MUC17: variants seen among roughly 807,000 people sequenced by gnomAD.
MUC17 encodes the protein mucin 17, cell surface associated, also known as mucin-17.
Under a neutral mutation model 170.3 loss-of-function variants are expected in MUC17, and 190 were observed. The observed-to-expected ratio is 1.12, with a 90% CI of 0.99 to 1.26. The LOEUF is 1.26. Ranked by LOEUF, MUC17 falls within the 50% of genes most tolerant of loss-of-function variation. The pLI, the probability that MUC17 is intolerant of heterozygous loss-of-function variation, is 0.00. For synonymous variants in MUC17, 2,325 were observed against 2,002.5 expected (o/e 1.16, Z -4.30); for missense variants, 6,415 against 5,530.0 (o/e 1.16, Z -5.08).
At chr7:101,025,582 A>G (rs1029899003) in intron 1 of MUC17, among the ~76,000 whole-genome samples, 11 of 152,118 alleles carry the variant, frequency 7.2e-5, no homozygotes, top group African/African-American at 2.7e-4. Flanking sequence ...GCATGAGGTC[A>G]GGAGTTCGAG....
chr7:101,048,207 A>G, intron 4 of MUC17, 92 bp downstream of exon 4: 1 of 1,271,612 alleles, frequency 7.9e-7, no homozygotes, highest in Non-Finnish European at 1.1e-6. Flanking sequence ...ATGTGAGGCC[A>G]GGAATAGGGC....
At position 101,037,524 on chromosome 7, in the gene MUC17, C is replaced by T. The variant is rs1584865944; in HGVS notation, c.6108C>T (p.Thr2036=). The T allele has an allele frequency of 6.2e-7, 1 of 1,613,854 alleles. No homozygotes were observed. Among genetic ancestry groups the T allele is most frequent in the Non-Finnish European group, 8.5e-7 (1 of 1,179,886 alleles). The change falls in exon 3 of 13, where the codon ACC becomes ACT. Residue 2036 remains threonine (T), a synonymous_variant. Coordinates refer to ENST00000306151, the MANE Select transcript of MUC17 (RefSeq NM_001040105.2). ...CTGCAGGAGGTACCAGCATACAAAC[C>T]TCAACTCCTAGTGAACGGACCACTC... is the stretch of plus-strand genomic sequence containing the variant. ...PTTAGGTSIQ[T]STPSERTTPL...
At position 101,043,342 on chromosome 7, in the gene MUC17, A is replaced by T. The variant is rs774456297; in HGVS notation, c.11926A>T (p.Thr3976Ser). The T allele has an allele frequency of 6.2e-7, 1 of 1,613,982 alleles. No individual in the cohort carries two copies. The change falls in exon 3 of 13, where the codon ACC (threonine) becomes TCC (serine). Residue 3976 changes from threonine to serine, a missense_variant. By Grantham distance (58) the Thr-to-Ser change is moderately conservative. Transcript: ENST00000306151. Reference sequence around the variant, plus strand: ...TTCCACTGAACTAAACACACCATCAACCTCCAGTAGTAGTACCACCACATC... The same window carrying T: ...TTCCACTGAACTAAACACACCATCATCCTCCAGTAGTAGTACCACCACATC... ...ITSTELNTPS[T>S]SSSSTTTSFS...
chr7:101,042,998 T>A lies in MUC17; in HGVS notation c.11582T>A (p.Val3861Asp). 6.2e-7 allele frequency: 1 copy of A among 1,614,090 alleles called. No homozygotes were observed. Among genetic ancestry groups the A allele is most frequent in the Admixed American group, 1.7e-5 (1 of 60,016 alleles). The stretch of plus-strand genomic sequence containing the variant: ...GGTTCATTCTCCATACCTGCTGAAG[T>A]CACTACCATACGTATTTCAATTACC... ...KAGSFSIPAE[V>D]TTIRISITSE... Residue 3861 changes from valine to aspartate, a missense_variant, in exon 3 of 13, where the codon GTC becomes GAC. Val to Asp is a radical substitution (Grantham distance 152, BLOSUM62 -3). Coordinates refer to ENST00000306151, the MANE Select transcript of MUC17 (RefSeq NM_001040105.2).
At position 101,058,206 on chromosome 7, in the gene MUC17, C is replaced by T; in HGVS notation, c.*162C>T. Reference sequence around the variant, plus strand: ...AGGAGAAAGAGGAGAGACAGCAGTGCTGGGAGATTCTCAAATAGAAACCCG... The same window carrying T: ...AGGAGAAAGAGGAGAGACAGCAGTGTTGGGAGATTCTCAAATAGAAACCCG... On this transcript the variant is annotated 3_prime_UTR_variant, in exon 13 of 13. Transcript: ENST00000306151. 1.8e-6 allele frequency: 1 copy of T among 554,224 alleles called. No homozygotes were observed. Among genetic ancestry groups the T allele is most frequent in the Non-Finnish European group, 3.2e-6 (1 of 314,416 alleles). 34.3% of individuals were successfully genotyped at this position (554,224 alleles called of 1,614,324 possible).
chr7:101,045,584 G>A (rs547468798), intron 3 of MUC17, among the ~76,000 whole-genome samples: 3 of 151,946 alleles, frequency 2.0e-5, no homozygotes, highest in South Asian at 2.1e-4. Context: ...GTAGAGACAG[G>A]GTTTCACCAT....
Position 101,034,833 on chromosome 7 carries a change from T to G in MUC17, c.3417T>G (p.Ser1139Arg). 1 of 1,609,924 alleles carries G rather than the reference T, an allele frequency of 6.2e-7. No homozygotes were observed. Among genetic ancestry groups the G allele is most frequent in the Non-Finnish European group, 8.5e-7 (1 of 1,177,676 alleles). Residue 1139 changes from serine (S) to arginine (R), a missense_variant, in exon 3 of 13, where the codon AGT becomes AGG. Ser to Arg is a moderately radical substitution (Grantham distance 110, BLOSUM62 -1). Coordinates refer to ENST00000306151, the MANE Select transcript of MUC17 (RefSeq NM_001040105.2). Reference protein sequence around the residue: ...SIPVTTSTEASSSPTTAEGTS... With the variant: ...SIPVTTSTEARSSPTTAEGTS... ...CTGTCACCACTTCTACTGAAGCCAG[T>G]TCATCTCCTACAACTGCTGAAGGTA...
At chr7:101,020,567 CTG>C in intron 1 of MUC17, among the ~76,000 whole-genome samples, 1 of 152,192 alleles carries the variant, frequency 6.6e-6, no homozygotes, top group East Asian at 1.9e-4. Context: ...TGGCACAAGA[CTG>C]GTGTTCAACC....
At position 101,034,990 on chromosome 7, in the gene MUC17, G is replaced by C. The variant is rs776603835; in HGVS notation, c.3574G>C (p.Ala1192Pro). The change falls in exon 3 of 13, where the codon GCC becomes CCC. Residue 1192 changes from alanine to proline, a missense_variant. Physicochemically the swap from Ala to Pro is conservative, Grantham distance 27. Transcript: ENST00000306151. ...TCCTGTGGACTCCAAAACTCAGGTG[G>C]CCACTTCTACTGAAGCCAGTTCACC... The part of the protein sequence containing the change: ...TTPVDSKTQV[A>P]TSTEASSPPP... 8 of 1,604,348 alleles carry C rather than the reference G, an allele frequency of 5.0e-6. No homozygotes were observed. The highest frequency in any genetic ancestry group is 1.7e-4 in the Middle Eastern group (1 of 6,038).
In MUC17 at chr7:101,038,810, C is replaced by A. The variant is rs1227056578; in HGVS notation, c.7394C>A (p.Thr2465Asn). ...TTPLASMPVSTTPVVSSEAGT... is the reference protein window; with the variant it reads ...TTPLASMPVSNTPVVSSEAGT... Reference sequence around the variant, plus strand: ...CCGTTAGCAAGTATGCCTGTCAGCACCACGCCGGTGGTCAGTTCTGAGGCT... The same window carrying A: ...CCGTTAGCAAGTATGCCTGTCAGCAACACGCCGGTGGTCAGTTCTGAGGCT... The change falls in exon 3 of 13, where the codon ACC (threonine) becomes AAC (asparagine). Residue 2465 changes from threonine to asparagine, a missense_variant. Physicochemically the swap from Thr to Asn is moderately conservative, Grantham distance 65 (BLOSUM62 0). Transcript: ENST00000306151. The A allele has an allele frequency of 6.2e-7, 1 of 1,612,822 alleles. No homozygotes were observed. The highest frequency in any genetic ancestry group is 8.5e-7 in the Non-Finnish European group (1 of 1,179,446).
Position 101,050,607 on chromosome 7 carries a change from G to A in MUC17, c.12846G>A (p.Gln4282=). The change falls in exon 7 of 13, where the codon CAG becomes CAA. Residue 4282 remains glutamine, a synonymous_variant. Transcript: ENST00000306151. ...VKEKITKVTT[Q]QIMINDICSD... is the part of the protein sequence containing the mutation. ...AGAAAATCACAAAAGTGACCACACAGCAAATAATGATTAATGATATTTGCT... is the reference window on the plus strand; with the variant it reads ...AGAAAATCACAAAAGTGACCACACAACAAATAATGATTAATGATATTTGCT... The A allele has an allele frequency of 5.6e-6, 9 of 1,614,066 alleles. No individual in the cohort carries two copies. The highest frequency in any genetic ancestry group is 6.8e-6 in the Non-Finnish European group (8 of 1,179,966).
chr7:101,048,460 G>A (rs1241630296), intron 4 of MUC17, among the ~76,000 whole-genome samples: 2 of 151,668 alleles, frequency 1.3e-5, no homozygotes, highest in Non-Finnish European at 2.9e-5. Context: ...ACTGGGTGTG[G>A]TGGTGCATAC....
At chr7:101,023,198 TG>T (rs1794125380) in intron 1 of MUC17, among the ~76,000 whole-genome samples, 1 of 152,042 alleles carries the variant, frequency 6.6e-6, no homozygotes, top group African/African-American at 2.4e-5. Flanking sequence ...GTCTCTGTGT[TG>T]GGTTAGGACC....
At chr7:101,054,448 T>C (rs1187345836) in intron 11 of MUC17, among the ~76,000 whole-genome samples, 1 of 152,148 alleles carries the variant, frequency 6.6e-6, no homozygotes, top group Admixed American at 6.5e-5. Context: ...ATGAGAAATT[T>C]CTCAAAATAG....
Position 101,040,733 on chromosome 7 carries a change from C to T in MUC17, c.9317C>T (p.Pro3106Leu), listed in dbSNP as rs1311832683. Reference sequence around the variant, plus strand: ...TCAACTTATAGTGAAGGAAGCACTCCATTAACAGGTGTGCCTGTCAGCACC... The same window carrying T: ...TCAACTTATAGTGAAGGAAGCACTCTATTAACAGGTGTGCCTGTCAGCACC... ...PISTYSEGST[P>L]LTGVPVSTTP... The change falls in exon 3 of 13, where the codon CCA (proline) becomes CTA (leucine). Residue 3106 changes from proline (P) to leucine (L), a missense_variant. Physicochemically the swap from Pro to Leu is moderately conservative, Grantham distance 98. Transcript: ENST00000306151. 5.6e-6 allele frequency: 9 copies of T among 1,613,188 alleles called. No individual in the cohort carries two copies. The highest frequency in any genetic ancestry group is 3.3e-4 in the Middle Eastern group (2 of 6,058).
intron 7 of MUC17, among the ~76,000 whole-genome samples, 185 bp downstream of exon 7, chr7:101,050,820 C>T (rs1794927972): frequency 6.6e-6 from 1 of 152,054 alleles, no homozygotes; most frequent in South Asian, 2.1e-4. Context: ...GAGTCTTTAA[C>T]CTTCATCATC....
Position 101,040,787 on chromosome 7 carries a change from C to A in MUC17, c.9371C>A (p.Thr3124Asn), listed in dbSNP as rs775392299. The A allele has an allele frequency of 3.1e-6, 5 of 1,613,248 alleles. No homozygotes were observed. The East Asian group carries it at 6.7e-5, about 22-fold the overall frequency. The change falls in exon 3 of 13, where the codon ACC becomes AAC. Residue 3124 changes from threonine to asparagine, a missense_variant. Physicochemically the swap from Thr to Asn is moderately conservative, Grantham distance 65. Transcript: ENST00000306151. ...CCGGTGACCAGTTCTGCAATCAGCA[C>A]CCTTTCAACAACTCCTGTTGACACC... The part of the protein sequence containing the change: ...TTPVTSSAIS[T>N]LSTTPVDTST...
intron 4 of MUC17, among the ~76,000 whole-genome samples, chr7:101,048,455 G>A (rs973565105): frequency 4.6e-5 from 7 of 151,692 alleles, no homozygotes; most frequent in Admixed American, 6.6e-5. Context: ...ACTTGACTGG[G>A]TGTGGTGGTG....
chr7:101,045,039 T>C (rs1258466097), intron 3 of MUC17, among the ~76,000 whole-genome samples: 1 of 152,208 alleles, frequency 6.6e-6, no homozygotes, highest in East Asian at 1.9e-4. Flanking sequence ...TTCTCTCTTG[T>C]TAGGGTGAGC....
Sources: allele counts gnomAD v4.1 joint callset (sites outside exome capture counted in the v4.1 genomes callset), GRCh38; gene constraint gnomAD v4.1.1; transcripts MANE v1.5; gene names NCBI Gene and HGNC (gene_info 2026-07-23, HGNC 2026-07-21).